Variants in SIL1 observed in about 807,000 individuals in gnomAD.
SIL1 encodes the protein nucleotide exchange factor SIL1.
In SIL1, 40 loss-of-function variants were observed where a neutral mutation model predicts 49.1. The observed-to-expected ratio is 0.81, with a 90% CI of 0.63 to 1.06. The LOEUF (loss-of-function observed/expected upper bound fraction) is 1.06. Ranked by LOEUF, SIL1 falls within the 50% of genes least tolerant of loss-of-function variation. SIL1 has a pLI of 0.00. For synonymous variants in SIL1, 253 were observed against 250.8 expected (o/e 1.01, Z -0.08); for missense variants, 500 against 572.6 (o/e 0.87, Z 1.29).
intron 2 of SIL1, among the ~76,000 whole-genome samples, chr5:139,122,147 G>A (rs1750653990): frequency 6.6e-6 from 1 of 152,026 alleles, no homozygotes; most frequent in South Asian, 2.1e-4. Context: ...CCCTCCCCTA[G>A]TAATAAAAAG....
chr5:139,011,188 T>C (rs1768259438), intron 7 of SIL1, among the ~76,000 whole-genome samples: 1 of 151,274 alleles, frequency 6.6e-6, no homozygotes, highest in South Asian at 2.1e-4. Context: ...TAAGCCGGTC[T>C]GAAAAGCGCA....
chr5:139,196,534 G>A (rs1294283122), intron 1 of SIL1: 1 of 152,214 alleles, frequency 6.6e-6, no homozygotes, highest in Non-Finnish European at 1.5e-5. Flanking sequence ...CTGGCCTTCA[G>A]AAAACAGCAG....
At chr5:138,960,413 C>CTTTTTTTTT (rs150578906) in intron 7 of SIL1, among the ~76,000 whole-genome samples, 4 of 124,264 alleles carry the variant, frequency 3.2e-5, no homozygotes, top group East Asian at 2.3e-4. Context: ...AAATCTACGT[C>CTTTTTTTTT]TTTTTTTTTT....
intron 1 of SIL1, among the ~76,000 whole-genome samples, chr5:139,175,880 T>C (rs1751871173): frequency 6.6e-6 from 1 of 152,192 alleles, no homozygotes; most frequent in Non-Finnish European, 1.5e-5. Context: ...TGAGAATCAT[T>C]TGAACCCGGG....
intron 1 of SIL1, 46 bp from the exon 2 acceptor site, chr5:139,127,899 G>T: frequency 1.6e-6 from 2 of 1,230,406 alleles, no homozygotes; most frequent in Non-Finnish European, 2.3e-6. Context: ...AAAAGCTAAT[G>T]CTTGGTTCCC....
intron 3 of SIL1, among the ~76,000 whole-genome samples, chr5:139,058,864 T>C (rs528873425): frequency 2.0e-5 from 3 of 152,140 alleles, no homozygotes; most frequent in South Asian, 4.2e-4. Flanking sequence ...CTTTTTTCAA[T>C]TGGAGAACAG....
intron 6 of SIL1, chr5:139,022,145 T>C (rs1376982769): frequency 6.6e-6 from 1 of 152,254 alleles, no homozygotes; most frequent in Non-Finnish European, 1.5e-5. Flanking sequence ...CGCTACAGTC[T>C]CCCTCGAATA....
At position 139,140,027 on chromosome 5, in the gene SIL1, T is replaced by C. The variant is rs1208660267; in HGVS notation, c.-10-12174A>G. 2.0e-5 allele frequency among the ~76,000 whole-genome samples: 3 copies of C among 152,064 alleles called. No homozygotes were observed. In the South Asian group the frequency reaches 6.2e-4, roughly 32 times the overall value. On this transcript the variant is annotated intron_variant, in intron 1 of 9. Transcript: ENST00000394817. ...GGCTCATGCCTGTAATCCCAGAACT[T>C]TGGGAGGCCGAGGCAGGTGGATCAC...
At chr5:139,001,086 G>A (rs1767975086) in intron 7 of SIL1, among the ~76,000 whole-genome samples, 1 of 151,992 alleles carries the variant, frequency 6.6e-6, no homozygotes, top group African/African-American at 2.4e-5. Context: ...GTGTGTGGGG[G>A]GGGAAACTAC....
At chr5:139,169,861 C>CCCTTTTTCCACGGTCTCCCTCTG (rs1751704040) in intron 1 of SIL1, among the ~76,000 whole-genome samples, 1 of 149,766 alleles carries the variant, frequency 6.7e-6, no homozygotes, top group Non-Finnish European at 1.5e-5. Context: ...GTCTCCCTCT[C>CCCTTTTTCCACGGTCTCCCTCTG]CCTCTTTCCA....
chr5:139,122,206 T>C (rs1454236202), intron 2 of SIL1, among the ~76,000 whole-genome samples: 1 of 152,136 alleles, frequency 6.6e-6, no homozygotes, highest in Non-Finnish European at 1.5e-5. Context: ...CTGGGTACTT[T>C]ACATAGATCT....
At chr5:139,175,691 G>A (rs1008114392) in intron 1 of SIL1, among the ~76,000 whole-genome samples, 8 of 152,180 alleles carry the variant, frequency 5.3e-5, no homozygotes, top group East Asian at 1.9e-4. Context: ...GGCCAGGCGC[G>A]GTGGCTCACG....
At chr5:139,188,965 A>G (rs1320705067) in intron 1 of SIL1, among the ~76,000 whole-genome samples, 2 of 152,350 alleles carry the variant, frequency 1.3e-5, no homozygotes, top group Middle Eastern at 3.4e-3. Context: ...GCTACTCACA[A>G]CTTTTAGTTA....
intron 3 of SIL1, among the ~76,000 whole-genome samples, chr5:139,089,206 T>C (rs952661912): frequency 4.6e-5 from 7 of 152,146 alleles, no homozygotes; most frequent in Non-Finnish European, 7.4e-5. Context: ...ACTGAAACAG[T>C]GGGAAAAGAT....
chr5:139,169,053 G>C (rs1246966218), intron 1 of SIL1, among the ~76,000 whole-genome samples: 1 of 152,124 alleles, frequency 6.6e-6, no homozygotes, highest in African/African-American at 2.4e-5. Flanking sequence ...GGCTGGGATG[G>C]GAGGATTGCA....
At chr5:139,180,582 C>G (rs1251702851) in intron 1 of SIL1, among the ~76,000 whole-genome samples, 2 of 152,070 alleles carry the variant, frequency 1.3e-5, no homozygotes, top group Non-Finnish European at 2.9e-5. Context: ...TCCATGAGCA[C>G]AACCCACCAC....
At chr5:139,139,679 A>G (rs1751042654) in intron 1 of SIL1, among the ~76,000 whole-genome samples, 1 of 152,248 alleles carries the variant, frequency 6.6e-6, no homozygotes, top group Non-Finnish European at 1.5e-5. Flanking sequence ...TCTTAGTCTC[A>G]GACAGCATAA....
At chr5:139,162,012 CAA>C (rs553500888) in intron 1 of SIL1, among the ~76,000 whole-genome samples, 9 of 130,784 alleles carry the variant, frequency 6.9e-5, no homozygotes, top group Admixed American at 1.6e-4. Flanking sequence ...GACTCTGTCT[CAA>C]AAAAAAAAAA....
chr5:139,190,366 G>T (rs773132469), intron 1 of SIL1, among the ~76,000 whole-genome samples: 1 of 152,158 alleles, frequency 6.6e-6, no homozygotes, highest in Admixed American at 6.5e-5. Flanking sequence ...AACACATTTC[G>T]ACATGAGTAG....
Sources: gnomAD v4.1 joint callset for allele counts (sites outside exome capture counted in the v4.1 genomes callset) on GRCh38, gnomAD v4.1.1 for gene constraint, MANE v1.5 for transcripts, NCBI Gene and HGNC (gene_info 2026-07-23, HGNC 2026-07-21) for gene names.